PRDM16: variants seen among roughly 807,000 people sequenced by gnomAD.
The protein encoded by PRDM16 is PR/SET domain 16, also known as histone-lysine N-methyltransferase PRDM16.
In PRDM16, 23 loss-of-function variants were observed where a neutral mutation model predicts 110.6. The ratio of observed to expected loss-of-function variants is 0.21; its 90% CI spans 0.15 to 0.29. The LOEUF is 0.29. Among genes scored for constraint, PRDM16 ranks in the 10% least tolerant of loss-of-function variants. PRDM16 has a pLI of 1.00. For synonymous variants in PRDM16, 799 were observed against 781.8 expected (o/e 1.02, Z -0.37); for missense variants, 1,615 against 1,794.3 (o/e 0.90, Z 1.81).
chr1:3,289,030 G>A (rs1640915635), intron 3 of PRDM16, among the ~76,000 whole-genome samples: 1 of 152,204 alleles, frequency 6.6e-6, no homozygotes, highest in Non-Finnish European at 1.5e-5. Flanking sequence ...TTGGCTGGCT[G>A]CCCATGAGCC....
intron 1 of PRDM16, among the ~76,000 whole-genome samples, chr1:3,178,630 T>C (rs143586229): frequency 2.5e-3 from 388 of 152,302 alleles, no homozygotes; most frequent in African/African-American, 8.8e-3. Context: ...AAAAGCCTAG[T>C]TCCCTCTGTT....
At chr1:3,073,972 G>T (rs1641829946) in intron 1 of PRDM16, among the ~76,000 whole-genome samples, 1 of 152,174 alleles carries the variant, frequency 6.6e-6, no homozygotes, top group Non-Finnish European at 1.5e-5. Flanking sequence ...GCGACATCCC[G>T]ACCCGCGCCC....
At chr1:3,282,385 C>T (rs563099525) in intron 3 of PRDM16, among the ~76,000 whole-genome samples, 30 of 152,198 alleles carry the variant, frequency 2.0e-4, no homozygotes, top group Non-Finnish European at 4.0e-4. Flanking sequence ...ACCCAGAGAC[C>T]TTGTCCCCCC....
At chr1:3,268,888 C>G (rs775410295) in intron 3 of PRDM16, among the ~76,000 whole-genome samples, 4 of 152,230 alleles carry the variant, frequency 2.6e-5, no homozygotes, top group Non-Finnish European at 5.9e-5. Context: ...CCCCATGCTG[C>G]GCCAAGCCAA....
intron 2 of PRDM16, among the ~76,000 whole-genome samples, chr1:3,242,951 A>C (rs1639708650): frequency 6.6e-6 from 1 of 152,152 alleles, no homozygotes; most frequent in South Asian, 2.1e-4. Context: ...TCTAGAGCTC[A>C]TTTGTCAGTT....
Position 3,431,001 on chromosome 1 carries a change from G to A in PRDM16, c.3414G>A (p.Ser1138=), listed in dbSNP as rs762994553. Residue 1138 remains serine, a synonymous_variant, in exon 15 of 17, where the codon TCG becomes TCA. Transcript: ENST00000270722. ...EDDEDSLAGK[S]QDDTVSPAPE... The stretch of plus-strand genomic sequence containing the variant: ...ATGAGGACAGCCTGGCCGGGAAGTC[G>A]CAGGATGACACCGTGTCCCCCGCAC... The A allele has an allele frequency of 1.1e-5, 17 of 1,595,560 alleles. No homozygotes were observed. The highest frequency in any genetic ancestry group is 2.3e-5 in the East Asian group (1 of 43,818).
chr1:3,431,098 C>A lies in PRDM16; in HGVS notation c.3511C>A (p.His1171Asn). ...PAASLAVGFD[H>N]TRRCAEDHEG... Reference sequence around the variant, plus strand: ...CGCCTCCCTGGCCGTGGGCTTTGACCACACCCGAAGGTGGGGGCAGCCGTG... The same window carrying A: ...CGCCTCCCTGGCCGTGGGCTTTGACAACACCCGAAGGTGGGGGCAGCCGTG... The change falls in exon 15 of 17, where the codon CAC becomes AAC. Residue 1171 changes from histidine (H) to asparagine (N), a missense_variant. By Grantham distance (68) the His-to-Asn change is moderately conservative (BLOSUM62 1). Around this residue, in one of 5 missense-constraint regions of PRDM16, gnomAD observed 327 missense variants for 359.3 expected, o/e 0.91. Coordinates refer to ENST00000270722, the MANE Select transcript of PRDM16 (RefSeq NM_022114.4). 6.4e-7 allele frequency: 1 copy of A among 1,550,894 alleles called. No individual in the cohort carries two copies. Among genetic ancestry groups the A allele is most frequent in the Non-Finnish European group, 8.7e-7 (1 of 1,147,682 alleles).
At chr1:3,273,976 TAAAAAAA>T (rs927412647) in intron 3 of PRDM16, among the ~76,000 whole-genome samples, 18 of 68,542 alleles carry the variant, frequency 2.6e-4, no homozygotes, top group South Asian at 1.8e-3. Flanking sequence ...TATGGGGAGG[TAAAAAAA>T]AAAAAAAAAA....
chr1:3,388,045 T>C (rs944166711), intron 4 of PRDM16, among the ~76,000 whole-genome samples: 11 of 152,242 alleles, frequency 7.2e-5, no homozygotes, highest in African/African-American at 2.7e-4. Context: ...AGCAACCTAT[T>C]TGACCCTATG....
rs540088847 is a variant in PRDM16, at chr1:3,255,766, G to A, written c.438+11629G>A. On this transcript the variant is annotated intron_variant, in intron 3 of 16. Transcript: ENST00000270722. The surrounding 1 kb of genome is among the most constrained non-coding windows in gnomAD (Gnocchi z 4.7). ...CTGGTGGCAGCAGAAGAAGACAGCA[G>A]ACACACATAGTCCTCATCCTCCTTA... 6.5e-4 allele frequency among the ~76,000 whole-genome samples: 99 copies of A among 152,288 alleles called. No homozygotes were observed. The highest frequency in any genetic ancestry group is 2.3e-3 in the African/African-American group (94 of 41,572).
At chr1:3,357,563 C>T (rs1414057748) in intron 3 of PRDM16, among the ~76,000 whole-genome samples, 1 of 151,976 alleles carries the variant, frequency 6.6e-6, no homozygotes. Flanking sequence ...GCCGTTCCCC[C>T]CACGGGCCCC....
chr1:3,429,837 C>T (rs776701950), intron 14 of PRDM16, among the ~76,000 whole-genome samples: 1 of 152,250 alleles, frequency 6.6e-6, no homozygotes, highest in Non-Finnish European at 1.5e-5. Context: ...AAGCCCAGTT[C>T]CCGTGCACAC....
At chr1:3,276,883 G>T (rs1014943459) in intron 3 of PRDM16, among the ~76,000 whole-genome samples, 2 of 152,214 alleles carry the variant, frequency 1.3e-5, no homozygotes, top group Admixed American at 1.3e-4. Flanking sequence ...CCTAAAGGGG[G>T]CTGGGCTTGG....
chr1:3,156,234 T>G (rs1643857356), intron 1 of PRDM16, among the ~76,000 whole-genome samples: 2 of 152,228 alleles, frequency 1.3e-5, no homozygotes, highest in Non-Finnish European at 2.9e-5. Context: ...TGGGGCTGTC[T>G]GCAGGGCTCC....
chr1:3,247,920 C>CG (rs750338582), intron 3 of PRDM16, among the ~76,000 whole-genome samples: 1 of 152,188 alleles, frequency 6.6e-6, no homozygotes, highest in African/African-American at 2.4e-5. Context: ...AGGGAAAGCC[C>CG]GGGGGCTCCT....
At chr1:3,386,235 T>C (rs1643195747) in intron 4 of PRDM16, among the ~76,000 whole-genome samples, 1 of 139,034 alleles carries the variant, frequency 7.2e-6, no homozygotes, top group South Asian at 2.9e-4. Context: ...TGAGATTTCA[T>C]TTGAAAAAAA....
At position 3,116,401 on chromosome 1, in the gene PRDM16, C is replaced by T. The variant is rs188273312; in HGVS notation, c.37+47105C>T. Among the ~76,000 whole-genome samples, 964 of 152,268 alleles carry T rather than the reference C, an allele frequency of 6.3e-3. 7 individuals carry two copies. Among genetic ancestry groups the T allele is most frequent in the Non-Finnish European group, 9.0e-3 (613 of 68,008 alleles). On this transcript the variant is annotated intron_variant, in intron 1 of 16. Transcript: ENST00000270722. ...CGCGGGTTCACGGGTGGCCTGGAGACGTGGCACCGTACCTCCCTGCTCCCT... is the reference window on the plus strand; with the variant it reads ...CGCGGGTTCACGGGTGGCCTGGAGATGTGGCACCGTACCTCCCTGCTCCCT...
intron 2 of PRDM16, among the ~76,000 whole-genome samples, chr1:3,211,401 T>C (rs996061176): frequency 6.6e-6 from 1 of 152,198 alleles, no homozygotes; most frequent in African/African-American, 2.4e-5. Flanking sequence ...TCTCTCGTGG[T>C]GTCTGGTCCA....
At chr1:3,094,796 T>G (rs1642356862) in intron 1 of PRDM16, among the ~76,000 whole-genome samples, 4 of 152,198 alleles carry the variant, frequency 2.6e-5, no homozygotes, top group Admixed American at 2.6e-4. Context: ...CTGGACTCCC[T>G]GCAGCCAGGG....
Sources: allele counts gnomAD v4.1 joint callset (sites outside exome capture counted in the v4.1 genomes callset), GRCh38; gene constraint gnomAD v4.1.1; regional missense constraint gnomAD v4.1.1; non-coding constraint Gnocchi (gnomAD v3.1); transcripts MANE v1.5; gene names NCBI Gene and HGNC (gene_info 2026-07-23, HGNC 2026-07-21).